The following CCSER1 variants were observed in gnomAD, a reference collection of about 807,000 sequenced individuals.
CCSER1 encodes serine-rich coiled-coil domain-containing protein 1.
A neutral mutation model predicts 82.0 loss-of-function variants in CCSER1; 41 were observed. That is an observed-to-expected ratio of 0.50 (90% CI 0.39 to 0.65). The LOEUF is 0.65. CCSER1 is among the 30% of genes least tolerant of loss of function. The probability of loss-of-function intolerance (pLI) is 0.00; values close to 1 mark genes in which losing one functional copy is unlikely to be tolerated. For synonymous variants in CCSER1, 414 were observed against 383.9 expected (o/e 1.08, Z -0.92); for missense variants, 1,119 against 1,064.2 (o/e 1.05, Z -0.72).
At chr4:91,266,871 C>A (rs1741634417) in intron 10 of CCSER1, among the ~76,000 whole-genome samples, 1 of 152,156 alleles carries the variant, frequency 6.6e-6, no homozygotes. Context: ...TTGGTATTAT[C>A]ATTCTTACTA....
At chr4:91,375,044 A>G (rs899883737) in intron 10 of CCSER1, among the ~76,000 whole-genome samples, 1 of 152,166 alleles carries the variant, frequency 6.6e-6, no homozygotes, top group Non-Finnish European at 1.5e-5. Flanking sequence ...ATCAATAGTG[A>G]TTGCTCTGTT....
chr4:90,478,124 T>C (rs1765357025), intron 5 of CCSER1, among the ~76,000 whole-genome samples: 2 of 152,202 alleles, frequency 1.3e-5, no homozygotes, highest in African/African-American at 4.8e-5. Flanking sequence ...GGAATGCCTG[T>C]TGTAAAATGT....
intron 6 of CCSER1, among the ~76,000 whole-genome samples, chr4:90,649,192 T>C (rs1190363071): frequency 6.6e-6 from 1 of 152,082 alleles, no homozygotes; most frequent in Non-Finnish European, 1.5e-5. Context: ...TAGAATAAAG[T>C]TTATTGGGAG....
rs543751418 is a variant in CCSER1 at position 90,473,545 on chromosome 4, A to G, written c.1724+5191A>G. Among the ~76,000 whole-genome samples, 25 of 152,348 alleles carry G rather than the reference A, an allele frequency of 1.6e-4. 1 individual carries two copies. In the South Asian group the frequency reaches 3.5e-3, roughly 21 times the overall value. ...TTCTGTAAGCTCCTTCTGAAAGGTA[A>G]CAGACATTATCATTTAGTACAAACG... On this transcript the variant is annotated intron_variant, in intron 5 of 10. Transcript: ENST00000509176.
intron 7 of CCSER1, among the ~76,000 whole-genome samples, chr4:90,742,086 G>T (rs1048721586): frequency 2.4e-4 from 37 of 152,018 alleles, no homozygotes; most frequent in Admixed American, 6.6e-4. Context: ...AGAAGGAGAG[G>T]GAGACAGAGA....
chr4:91,573,030 G>T (rs1296168093), intron 10 of CCSER1, among the ~76,000 whole-genome samples: 2 of 152,080 alleles, frequency 1.3e-5, no homozygotes, highest in African/African-American at 4.8e-5. Context: ...GGAGGTGAGA[G>T]GCTGGAGGCC....
chr4:91,562,223 C>G (rs1269169519), intron 10 of CCSER1, among the ~76,000 whole-genome samples: 1 of 151,444 alleles, frequency 6.6e-6, no homozygotes, highest in Non-Finnish European at 1.5e-5. Context: ...TTAAGAACCA[C>G]TGTTTTCATG....
At chr4:90,264,067 G>C (rs1156272243) in intron 1 of CCSER1, among the ~76,000 whole-genome samples, 2 of 152,166 alleles carry the variant, frequency 1.3e-5, no homozygotes, top group African/African-American at 4.8e-5. Flanking sequence ...GACTTTTAGA[G>C]CACCATAGTA....
chr4:91,524,782 A>C (rs1406060702), intron 10 of CCSER1, among the ~76,000 whole-genome samples: 1 of 152,190 alleles, frequency 6.6e-6, no homozygotes, highest in Non-Finnish European at 1.5e-5. Flanking sequence ...AAAGGCAAGA[A>C]AAAATATTAA....
chr4:90,435,388 G>A (rs1418735388), intron 4 of CCSER1, among the ~76,000 whole-genome samples: 1 of 152,052 alleles, frequency 6.6e-6, no homozygotes, highest in Non-Finnish European at 1.5e-5. Context: ...CAGAAGCCCT[G>A]TTTCTCCTAG....
At position 91,601,566 on chromosome 4, in the gene CCSER1, GC is replaced by G. The variant is rs1222134549; in HGVS notation, c.*2510del. On this transcript the variant is annotated 3_prime_UTR_variant, in exon 11 of 11. Transcript: ENST00000509176. ...CATGTGGGCATTCTTTCAGTGAATT[GC>G]TTTCTTTGTACTAAAATCTCTAGTT... 4 of 151,898 alleles carry G rather than the reference GC, an allele frequency of 2.6e-5. No homozygotes were observed. Among genetic ancestry groups the G allele is most frequent in the African/African-American group, 9.7e-5 (4 of 41,398 alleles). 9.4% of individuals were successfully genotyped at this position (151,898 alleles called of 1,614,324 possible).
In CCSER1 at chr4:91,599,522, G is replaced by A. The variant is rs539686472; in HGVS notation, c.*465G>A. The stretch of plus-strand genomic sequence containing the variant: ...AATAGAAGGAGGAAAAAAGAGAAAT[G>A]TTAACGTCTTATATTTGGTGGTATA... On this transcript the variant is annotated 3_prime_UTR_variant, in exon 11 of 11. Transcript: ENST00000509176. 1.1e-4 allele frequency: 16 copies of A among 152,202 alleles called. 1 individual carries two copies. In the South Asian group the frequency reaches 3.3e-3, roughly 32 times the overall value. The allele number at this position is 152,202 out of a possible 1,614,324, so 9.4% of individuals were successfully genotyped here.
At chr4:91,080,387 A>T (rs776450304) in intron 9 of CCSER1, among the ~76,000 whole-genome samples, 3 of 152,198 alleles carry the variant, frequency 2.0e-5, no homozygotes, top group African/African-American at 7.2e-5. Context: ...AAGACACAAC[A>T]CACCAGAATC....
At chr4:90,865,173 G>A (rs1362121739) in intron 8 of CCSER1, among the ~76,000 whole-genome samples, 2 of 151,904 alleles carry the variant, frequency 1.3e-5, no homozygotes, top group Admixed American at 6.6e-5. Context: ...ATTGTAATAC[G>A]GCTTGCTCAG....
intron 10 of CCSER1, among the ~76,000 whole-genome samples, chr4:91,491,463 A>T (rs1758538630): frequency 1.3e-5 from 2 of 152,268 alleles, no homozygotes; most frequent in South Asian, 4.1e-4. Context: ...ATTATCATAT[A>T]CATCAAATAA....
intron 10 of CCSER1, among the ~76,000 whole-genome samples, chr4:91,593,799 A>C (rs1007483242): frequency 3.9e-5 from 6 of 152,190 alleles, no homozygotes; most frequent in Non-Finnish European, 5.9e-5. Flanking sequence ...TGGATCACAC[A>C]GGCTGAAATA....
At chr4:90,899,595 A>G (rs781033340) in intron 8 of CCSER1, among the ~76,000 whole-genome samples, 2 of 152,042 alleles carry the variant, frequency 1.3e-5, no homozygotes, top group Non-Finnish European at 2.9e-5. Flanking sequence ...TTTGTGATAT[A>G]TGGATCTTAT....
chr4:90,839,870 T>TA (rs1368539737), intron 8 of CCSER1, among the ~76,000 whole-genome samples: 9 of 152,176 alleles, frequency 5.9e-5, no homozygotes, highest in African/African-American at 2.2e-4. Context: ...AAGGGAAGTA[T>TA]AAAGGATTGA....
intron 9 of CCSER1, among the ~76,000 whole-genome samples, chr4:91,029,599 G>A (rs1740796175): frequency 6.6e-6 from 1 of 152,098 alleles, no homozygotes; most frequent in African/African-American, 2.4e-5. Flanking sequence ...TACATGACCT[G>A]TTTTTCAAAG....
Sources: gnomAD v4.1 joint callset for allele counts (sites outside exome capture counted in the v4.1 genomes callset) on GRCh38, gnomAD v4.1.1 for gene constraint, MANE v1.5 for transcripts, NCBI Gene and HGNC (gene_info 2026-07-23, HGNC 2026-07-21) for gene names.